Variants in ZNF609 observed in about 807,000 individuals in gnomAD.
The protein encoded by ZNF609 is zinc finger protein 609.
ZNF609 carries 11 observed loss-of-function variants against 109.5 expected under a neutral mutation model. The observed-to-expected ratio is 0.10, with a 90% confidence interval of 0.06 to 0.17. The LOEUF is 0.17. Among genes scored for constraint, ZNF609 ranks in the 10% least tolerant of loss-of-function variants. The probability of loss-of-function intolerance (pLI) is 1.00; values close to 1 mark genes in which losing one functional copy is unlikely to be tolerated. For missense variants in ZNF609, 1,559 were observed against 1,772.4 expected (o/e 0.88, Z 2.16); for synonymous variants, 646 against 662.0 (o/e 0.98, Z 0.37).
At chr15:64,593,276 C>T (rs191177377) in intron 2 of ZNF609, 15 of 1,509,388 alleles carry the variant, frequency 9.9e-6, no homozygotes, top group Admixed American at 1.7e-5. Context: ...ACCCCCACCC[C>T]GATTTAGACC....
At chr15:64,584,862 C>G (rs1174960123) in intron 2 of ZNF609, among the ~76,000 whole-genome samples, 1 of 147,124 alleles carries the variant, frequency 6.8e-6, no homozygotes, top group Non-Finnish European at 1.5e-5. Flanking sequence ...CTCTTGACCT[C>G]GTGATCCACC....
chr15:64,613,459 A>G (rs955764479), intron 2 of ZNF609, among the ~76,000 whole-genome samples: 1 of 152,224 alleles, frequency 6.6e-6, no homozygotes, highest in Non-Finnish European at 1.5e-5. Context: ...TTCTCCTTCC[A>G]TCCTTAATTA....
chr15:64,558,163 C>T (rs58941763), intron 2 of ZNF609, among the ~76,000 whole-genome samples: 8,278 of 152,148 alleles, frequency 0.054, 759 homozygotes, highest in African/African-American at 0.19. Flanking sequence ...AGAAGCTCAC[C>T]ATACTTAACT....
At chr15:64,533,727 A>C (rs1030646956) in intron 2 of ZNF609, among the ~76,000 whole-genome samples, 1 of 152,098 alleles carries the variant, frequency 6.6e-6, no homozygotes, top group African/African-American at 2.4e-5. Context: ...AGTTTTATTG[A>C]GATAACTAGA....
intron 2 of ZNF609, among the ~76,000 whole-genome samples, chr15:64,541,040 A>AG (rs1172158623): frequency 4.7e-5 from 7 of 150,124 alleles, no homozygotes; most frequent in African/African-American, 1.7e-4. Flanking sequence ...AAAAAAAAAA[A>AG]AAAAAAACTT....
intron 2 of ZNF609, among the ~76,000 whole-genome samples, chr15:64,574,490 G>A (rs1041881911): frequency 1.3e-5 from 2 of 152,108 alleles, no homozygotes; most frequent in Admixed American, 1.3e-4. Flanking sequence ...TTGATCTGTT[G>A]TCTTTCACTC....
At chr15:64,648,004 T>C (rs6494484) in intron 3 of ZNF609, among the ~76,000 whole-genome samples, 145,741 of 152,296 alleles carry the variant, frequency 0.96, 69,975 homozygotes, top group East Asian at 1. Context: ...CTGGTAGAAA[T>C]AGGTCAAACG....
intron 2 of ZNF609, among the ~76,000 whole-genome samples, chr15:64,554,868 G>C (rs1017703570): frequency 6.6e-5 from 10 of 151,592 alleles, no homozygotes; most frequent in African/African-American, 2.4e-4. Context: ...AGGCCGAGAC[G>C]AGTGTATCAC....
intron 3 of ZNF609, among the ~76,000 whole-genome samples, chr15:64,637,951 C>G (rs1181635130): frequency 1.4e-5 from 2 of 140,184 alleles, no homozygotes; most frequent in Non-Finnish European, 3.1e-5. Flanking sequence ...TTTGCCCATC[C>G]CAAGATAATA....
intron 1 of ZNF609, among the ~76,000 whole-genome samples, chr15:64,484,177 A>G (rs1057218372): frequency 6.6e-6 from 1 of 152,146 alleles, no homozygotes; most frequent in African/African-American, 2.4e-5. Context: ...ACATAAGTGA[A>G]ATATTGAGAT....
At chr15:64,471,365 A>C (rs536389263) in intron 1 of ZNF609, 18 of 152,124 alleles carry the variant, frequency 1.2e-4, no homozygotes, top group Non-Finnish European at 2.4e-4. Context: ...TGTCTTTAAA[A>C]AAAAAAAAAA....
chr15:64,469,701 G>T (rs1348909250), intron 1 of ZNF609, among the ~76,000 whole-genome samples: 1 of 151,956 alleles, frequency 6.6e-6, no homozygotes, highest in African/African-American at 2.4e-5. Flanking sequence ...TTTTTCTAGT[G>T]TGCTTAAAAC....
At chr15:64,473,445 C>A (rs1044582045) in intron 1 of ZNF609, among the ~76,000 whole-genome samples, 3 of 151,958 alleles carry the variant, frequency 2.0e-5, no homozygotes, top group Admixed American at 2.0e-4. Context: ...GATCTGCCTA[C>A]CTCGGCCTCC....
chr15:64,641,261 A>G (rs1249405568), intron 3 of ZNF609, among the ~76,000 whole-genome samples: 6 of 102,566 alleles, frequency 5.8e-5, no homozygotes, highest in Non-Finnish European at 1.1e-4. Flanking sequence ...CTTGCTGCCC[A>G]GGCTGGAGTG....
intron 2 of ZNF609, 170 bp downstream of exon 2, chr15:64,500,336 G>A (rs1893543695): frequency 1.0e-6 from 1 of 955,230 alleles, no homozygotes; most frequent in African/African-American, 1.6e-5. Flanking sequence ...CAAATTAGAG[G>A]ATTCCCCTAC....
intron 2 of ZNF609, 81 bp downstream of exon 2, chr15:64,500,247 C>G: frequency 1.3e-6 from 2 of 1,535,126 alleles, no homozygotes; most frequent in Non-Finnish European, 1.8e-6. Flanking sequence ...TATGTGTACT[C>G]TGTGGGAGGC....
At chr15:64,650,291 C>T (rs1248669380) in intron 3 of ZNF609, among the ~76,000 whole-genome samples, 1 of 151,372 alleles carries the variant, frequency 6.6e-6, no homozygotes, top group African/African-American at 2.4e-5. Flanking sequence ...GCAGCATGCA[C>T]CTGTAGTCCC....
At chr15:64,532,581 A>G (rs531026282) in intron 2 of ZNF609, among the ~76,000 whole-genome samples, 8 of 152,330 alleles carry the variant, frequency 5.3e-5, no homozygotes, top group African/African-American at 1.9e-4. Flanking sequence ...CATTCCTCAG[A>G]TATCTGGTAG....
In ZNF609 at chr15:64,680,360, G is replaced by A. The variant is rs750315966; in HGVS notation, c.3945G>A (p.Thr1315=). Residue 1315 remains threonine, a splice_region_variant and synonymous_variant, in exon 7 of 10, where the codon ACG becomes ACA. Coordinates refer to ENST00000326648, the MANE Select transcript of ZNF609 (RefSeq NM_015042.2). ...HASHYKSKSP[T]ISDKTSQERD... is the part of the protein sequence containing the mutation. ...GTCACTACAAGAGCAAGTCTCCCACGGTAAGAAAAGTACAGTGATGCTGGC... is the reference window on the plus strand; with the variant it reads ...GTCACTACAAGAGCAAGTCTCCCACAGTAAGAAAAGTACAGTGATGCTGGC... 17 of 1,613,786 alleles carry A rather than the reference G, an allele frequency of 1.1e-5. No individual in the cohort carries two copies. The highest frequency in any genetic ancestry group is 1.4e-5 in the Non-Finnish European group (17 of 1,179,910).
Sources: allele counts gnomAD v4.1 joint callset (sites outside exome capture counted in the v4.1 genomes callset), GRCh38; gene constraint gnomAD v4.1.1; transcripts MANE v1.5; gene names NCBI Gene and HGNC (gene_info 2026-07-23, HGNC 2026-07-21).